Variants in HADHA observed in about 807,000 individuals in gnomAD.
The protein encoded by HADHA is hydroxyacyl-CoA dehydrogenase trifunctional multienzyme complex subunit alpha, also known as trifunctional enzyme subunit alpha, mitochondrial.
A neutral mutation model predicts 91.3 loss-of-function variants in HADHA; 59 were observed. That is an observed-to-expected ratio of 0.65 (90% CI 0.52 to 0.80). The LOEUF (loss-of-function observed/expected upper bound fraction) is 0.80, where lower values mean the gene tolerates loss of function less well. Ranked by LOEUF, HADHA falls within the 30% of genes least tolerant of loss-of-function variation. HADHA has a pLI of 0.00. For synonymous variants in HADHA, 320 were observed against 338.9 expected (o/e 0.94, Z 0.61); for missense variants, 800 against 927.6 (o/e 0.86, Z 1.79).
intron 1 of HADHA, among the ~76,000 whole-genome samples, chr2:26,240,350 T>G (rs1386924898): frequency 6.6e-6 from 1 of 152,154 alleles, no homozygotes; most frequent in African/African-American, 2.4e-5. Context: ...TGGTGGAGCT[T>G]ACATTCCAGG....
intron 5 of HADHA, 86 bp from the exon 6 acceptor site, chr2:26,232,365 T>C: frequency 1.1e-6 from 1 of 919,606 alleles, no homozygotes; most frequent in Non-Finnish European, 1.8e-6. Context: ...AGATTATTTA[T>C]AAAGCAGGAA....
At chr2:26,203,942 A>C in intron 12 of HADHA, 120 bp downstream of exon 12, 1 of 1,006,754 alleles carries the variant, frequency 9.9e-7, no homozygotes, top group South Asian at 1.3e-5. Context: ...ATGTTCAGGA[A>C]AAAGGAATCC....
At chr2:26,198,821 TGGAG>T (rs1163591212) in intron 13 of HADHA, among the ~76,000 whole-genome samples, 2 of 151,798 alleles carry the variant, frequency 1.3e-5, no homozygotes, top group African/African-American at 4.8e-5. Flanking sequence ...AGGCCAAGGA[TGGAG>T]GATTACTTGA....
At chr2:26,238,800 C>T (rs1229520815) in intron 3 of HADHA, 134 bp downstream of exon 3, 2 of 723,264 alleles carry the variant, frequency 2.8e-6, no homozygotes, top group African/African-American at 1.8e-5. Flanking sequence ...TTTAACATAA[C>T]TGTCAAAACT....
intron 12 of HADHA, 109 bp downstream of exon 12, chr2:26,203,953 G>A (rs112596398): frequency 3.7e-5 from 40 of 1,076,372 alleles, no homozygotes; most frequent in South Asian, 2.1e-4. Flanking sequence ...AAAGGAATCC[G>A]TGATGGCAAG....
At chr2:26,237,049 AC>A in intron 3 of HADHA, 61 bp from the exon 4 acceptor site, 1 of 1,111,862 alleles carries the variant, frequency 9.0e-7, no homozygotes, top group Non-Finnish European at 1.4e-6. Flanking sequence ...TGTACGTACC[AC>A]CATCAAATGC....
Position 26,210,016 on chromosome 2 carries a change from G to A in HADHA, c.976-127C>T. ...AAGCCTGAGTCCCTGGGGATGCGGG[G>A]GAGTTTGGGGGTTCAGTGCTGCAGA... is the stretch of plus-strand genomic sequence containing the variant. On this transcript the variant is annotated intron_variant, in intron 10 of 19. Transcript: ENST00000380649. This position sits in a 1 kb window ranked among gnomAD's most constrained non-coding sequence, Gnocchi z 4.0. The A allele has an allele frequency of 2.8e-6, 2 of 716,638 alleles. No individual in the cohort carries two copies. The highest frequency in any genetic ancestry group is 2.0e-5 in the Admixed American group (1 of 50,880). The allele number at this position is 716,638 out of a possible 1,614,324, so 44.4% of individuals were successfully genotyped here. A position where few individuals can be genotyped will look rare whatever the true frequency, so the allele number is the denominator to read the frequency against.
intron 14 of HADHA, 92 bp downstream of exon 14, chr2:26,197,599 T>C: frequency 1.3e-6 from 1 of 775,806 alleles, no homozygotes; most frequent in Non-Finnish European, 2.4e-6. Context: ...CACTCCGTAA[T>C]CCACTGTCTC....
intron 7 of HADHA, among the ~76,000 whole-genome samples, chr2:26,226,618 T>A (rs1353821175): frequency 2.0e-5 from 3 of 152,184 alleles, no homozygotes; most frequent in Admixed American, 1.3e-4. Flanking sequence ...GATATTCATA[T>A]GCAAAAAGGG....
intron 7 of HADHA, 93 bp from the exon 8 acceptor site, chr2:26,215,268 G>A (rs1670188285): frequency 1.1e-5 from 13 of 1,131,598 alleles, no homozygotes; most frequent in Middle Eastern, 1.9e-4. Context: ...AAAGGCCCTA[G>A]CACAGCGTTC....
chr2:26,238,586 A>T (rs780954186), intron 3 of HADHA, among the ~76,000 whole-genome samples: 7 of 152,216 alleles, frequency 4.6e-5, no homozygotes, highest in Non-Finnish European at 1.0e-4. Context: ...TAATGAAGAA[A>T]ATGGATTAAC....
At chr2:26,219,984 T>C (rs1049156511) in intron 7 of HADHA, among the ~76,000 whole-genome samples, 3 of 152,226 alleles carry the variant, frequency 2.0e-5, no homozygotes, top group Non-Finnish European at 4.4e-5. Flanking sequence ...AGGGAAGCTG[T>C]GTCCTCTTGA....
chr2:26,207,458 C>CAGA (rs1669998615), intron 11 of HADHA, among the ~76,000 whole-genome samples: 1 of 151,612 alleles, frequency 6.6e-6, no homozygotes, highest in African/African-American at 2.4e-5. Context: ...TTACTCATTT[C>CAGA]TTAACTGTTA....
chr2:26,237,086 A>G (rs1347283937), intron 3 of HADHA, 98 bp from the exon 4 acceptor site: 2 of 887,400 alleles, frequency 2.3e-6, no homozygotes, highest in Non-Finnish European at 3.8e-6. Context: ...AAATATACTT[A>G]TCCGGCAGAA....
At chr2:26,216,456 G>A (rs545126432) in intron 7 of HADHA, among the ~76,000 whole-genome samples, 1 of 151,860 alleles carries the variant, frequency 6.6e-6, no homozygotes, top group East Asian at 1.9e-4. Flanking sequence ...GAGTACCTGG[G>A]ATTACAGGTG....
intron 4 of HADHA, among the ~76,000 whole-genome samples, chr2:26,236,414 G>A (rs1326604026): frequency 3.0e-4 from 39 of 128,758 alleles, no homozygotes; most frequent in South Asian, 5.4e-4. Flanking sequence ...GTGTGTGTGT[G>A]TGTGTGTATA....
chr2:26,234,095 A>G (rs1269511143), intron 5 of HADHA, 122 bp downstream of exon 5: 5 of 1,005,386 alleles, frequency 5.0e-6, no homozygotes, highest in Non-Finnish European at 7.7e-6. Flanking sequence ...GCAAAAAACA[A>G]AAAACAAAGC....
intron 13 of HADHA, among the ~76,000 whole-genome samples, chr2:26,200,759 G>A (rs1336321716): frequency 6.7e-6 from 1 of 148,954 alleles, no homozygotes; most frequent in Non-Finnish European, 1.5e-5. Flanking sequence ...TGGAGATGGA[G>A]TCTCGCTCTG....
rs1669504994 is a variant in HADHA at position 26,191,581 on chromosome 2, T to C, written c.2048A>G (p.Asn683Ser). ...IQFRLVTRFV[N>S]EAVMCLQEGI... ...CTCTTGCAGGCACATGACTGCCTCA[T>C]TCACAAATCTTGTCACCAGGCGGAA... is the stretch of plus-strand genomic sequence containing the variant. The change falls in exon 19 of 20, where the codon AAT becomes AGT. Residue 683 changes from asparagine to serine, a missense_variant. Physicochemically the swap from Asn to Ser is conservative, Grantham distance 46. Coordinates refer to ENST00000380649, the MANE Select transcript of HADHA (RefSeq NM_000182.5). 6.2e-7 allele frequency: 1 copy of C among 1,614,076 alleles called. No individual in the cohort carries two copies. The highest frequency in any genetic ancestry group is 1.3e-5 in the African/African-American group (1 of 75,044).
Sources: allele counts gnomAD v4.1 joint callset (sites outside exome capture counted in the v4.1 genomes callset), GRCh38; gene constraint gnomAD v4.1.1; non-coding constraint Gnocchi (gnomAD v3.1); transcripts MANE v1.5; gene names NCBI Gene and HGNC (gene_info 2026-07-23, HGNC 2026-07-21).